PCP4: variants seen among roughly 807,000 people sequenced by gnomAD.
PCP4 encodes Purkinje cell protein 4.
Under a neutral mutation model 10.0 loss-of-function variants are expected in PCP4, and 8 were observed. The ratio of observed to expected loss-of-function variants is 0.80; its 90% confidence interval spans 0.47 to 1.45. The LOEUF (loss-of-function observed/expected upper bound fraction) is 1.45. Ranked by LOEUF, PCP4 falls within the 40% of genes most tolerant of loss-of-function variation. PCP4 has a pLI of 0.00. For missense variants in PCP4, 54 were observed against 74.4 expected (o/e 0.73, Z 1.01); for synonymous variants, 21 against 23.0 (o/e 0.91, Z 0.24).
chr21:39,904,470 G>A, intron 2 of PCP4, among the ~76,000 whole-genome samples: 1 of 152,352 alleles, frequency 6.6e-6, no homozygotes, highest in Non-Finnish European at 1.5e-5. Context: ...TTGAGTCCAG[G>A]AACCAAGGAT....
intron 2 of PCP4, among the ~76,000 whole-genome samples, chr21:39,916,782 T>G (rs994516964): frequency 1.3e-5 from 2 of 152,174 alleles, no homozygotes; most frequent in African/African-American, 2.4e-5. Flanking sequence ...AGGAATGAGA[T>G]CATGTCCTTT....
intron 2 of PCP4, among the ~76,000 whole-genome samples, chr21:39,923,539 C>G (rs2087606818): frequency 6.6e-6 from 1 of 152,194 alleles, no homozygotes. Flanking sequence ...ATGGAGGCAT[C>G]CTCAGGCCAA....
At chr21:39,918,361 G>A (rs1466587952) in intron 2 of PCP4, among the ~76,000 whole-genome samples, 1 of 152,100 alleles carries the variant, frequency 6.6e-6, no homozygotes, top group Non-Finnish European at 1.5e-5. Context: ...GGTGCCTCTG[G>A]ATGGAAGCCC....
intron 1 of PCP4, among the ~76,000 whole-genome samples, chr21:39,880,264 G>A (rs1390731634): frequency 3.3e-5 from 5 of 152,136 alleles, no homozygotes; most frequent in African/African-American, 1.2e-4. Flanking sequence ...AGTGGGTGGA[G>A]GGTCTTTCCC....
chr21:39,879,832 A>G (rs916240438), intron 1 of PCP4, among the ~76,000 whole-genome samples: 1 of 152,212 alleles, frequency 6.6e-6, no homozygotes, highest in African/African-American at 2.4e-5. Flanking sequence ...AGGACCAGTG[A>G]CATAATTTGT....
chr21:39,903,691 A>G (rs2087491818), intron 2 of PCP4, among the ~76,000 whole-genome samples: 1 of 151,460 alleles, frequency 6.6e-6, no homozygotes, highest in South Asian at 2.1e-4. Flanking sequence ...ACACGGTGAA[A>G]CCCCGTCTCT....
intron 1 of PCP4, among the ~76,000 whole-genome samples, chr21:39,894,933 T>C (rs55687001): frequency 0.14 from 21,975 of 152,156 alleles, 1,683 homozygotes; most frequent in Middle Eastern, 0.18. Flanking sequence ...TGAAAAAGAA[T>C]CTTTTCGTTG....
rs968512627 is a variant in PCP4, at chr21:39,870,558, GA to G, written c.9+3054del. Among the ~76,000 whole-genome samples, 12 of 152,132 alleles carry G rather than the reference GA, an allele frequency of 7.9e-5. 1 individual carries two copies. Among genetic ancestry groups the G allele is most frequent in the African/African-American group, 2.9e-4 (12 of 41,544 alleles). Reference sequence around the variant, plus strand: ...TGTTCAGCCACTTCATAGAGCTTTTGAAAAAAGAGTTCCTGGAATAATGACA... The same window carrying G: ...TGTTCAGCCACTTCATAGAGCTTTTGAAAAAGAGTTCCTGGAATAATGACA... On this transcript the variant is annotated intron_variant, in intron 1 of 2. Coordinates refer to ENST00000328619, the MANE Select transcript of PCP4 (RefSeq NM_006198.3).
intron 1 of PCP4, among the ~76,000 whole-genome samples, chr21:39,879,053 T>C (rs2087359371): frequency 6.6e-6 from 1 of 151,766 alleles, no homozygotes; most frequent in African/African-American, 2.4e-5. Context: ...GCAATGGCGC[T>C]ATCTTAGCTC....
At chr21:39,870,080 C>G (rs1286942392) in intron 1 of PCP4, among the ~76,000 whole-genome samples, 1 of 152,216 alleles carries the variant, frequency 6.6e-6, no homozygotes, top group Admixed American at 6.5e-5. Flanking sequence ...CATATACTCC[C>G]CGGGGCCTGC....
chr21:39,927,041 G>C (rs567995201), intron 2 of PCP4, among the ~76,000 whole-genome samples: 1 of 152,294 alleles, frequency 6.6e-6, no homozygotes, highest in South Asian at 2.1e-4. Context: ...TCTCTGATTT[G>C]GGTCATGGCT....
In PCP4 at chr21:39,886,591, G is replaced by C. The variant is rs138479313; in HGVS notation, c.10-11885G>C. The stretch of plus-strand genomic sequence containing the variant: ...TTGCACTCCAGCCTGGGCAACAAAA[G>C]AGAAATTCCATCTCAAAAATAAACA... On this transcript the variant is annotated intron_variant, in intron 1 of 2. Coordinates refer to ENST00000328619, the MANE Select transcript of PCP4 (RefSeq NM_006198.3). Among the ~76,000 whole-genome samples, 646 of 152,212 alleles carry C rather than the reference G, an allele frequency of 4.2e-3. 5 individuals carry two copies. Among genetic ancestry groups the C allele is most frequent in the African/African-American group, 0.015 (622 of 41,538 alleles).
At chr21:39,927,131 T>G (rs1320387184) in intron 2 of PCP4, among the ~76,000 whole-genome samples, 1 of 152,130 alleles carries the variant, frequency 6.6e-6, no homozygotes, top group Non-Finnish European at 1.5e-5. Context: ...GGGTCCCAGG[T>G]GGAAACTGAT....
At chr21:39,872,087 C>A (rs1025472376) in intron 1 of PCP4, among the ~76,000 whole-genome samples, 2 of 152,160 alleles carry the variant, frequency 1.3e-5, no homozygotes, top group Admixed American at 6.5e-5. Flanking sequence ...CAACCTCTGC[C>A]TCCCAGGTTC....
chr21:39,902,756 G>A (rs547103826), intron 2 of PCP4, among the ~76,000 whole-genome samples: 3 of 152,090 alleles, frequency 2.0e-5, no homozygotes, highest in South Asian at 2.1e-4. Context: ...GAAAATAAAC[G>A]TTTCAGGGCT....
At chr21:39,869,295 C>T (rs1007507011) in intron 1 of PCP4, among the ~76,000 whole-genome samples, 2 of 152,128 alleles carry the variant, frequency 1.3e-5, no homozygotes, top group African/African-American at 2.4e-5. Flanking sequence ...CTCAACTGTG[C>T]GGGTCTCCAG....
chr21:39,881,694 C>G (rs1228707740), intron 1 of PCP4, among the ~76,000 whole-genome samples: 1 of 152,146 alleles, frequency 6.6e-6, no homozygotes, highest in East Asian at 1.9e-4. Context: ...TCATACATTT[C>G]CACAATGTTG....
At chr21:39,905,952 A>G (rs140381928) in intron 2 of PCP4, among the ~76,000 whole-genome samples, 485 of 152,300 alleles carry the variant, frequency 3.2e-3, no homozygotes, top group Non-Finnish European at 5.4e-3. Flanking sequence ...CAGGAGGCTG[A>G]GGCAGGAGAA....
At chr21:39,883,477 A>G (rs1351999253) in intron 1 of PCP4, 1 of 152,194 alleles carries the variant, frequency 6.6e-6, no homozygotes, top group Non-Finnish European at 1.5e-5. Flanking sequence ...TGTGATTTGT[A>G]CAAAACACAC....
Sources: gnomAD v4.1 joint callset for allele counts (sites outside exome capture counted in the v4.1 genomes callset) on GRCh38, gnomAD v4.1.1 for gene constraint, MANE v1.5 for transcripts, NCBI Gene and HGNC (gene_info 2026-07-23, HGNC 2026-07-21) for gene names.